PACRG: variants seen among roughly 807,000 people sequenced by gnomAD.
PACRG encodes the protein parkin coregulated gene protein.
A neutral mutation model predicts 29.7 loss-of-function variants in PACRG; 29 were observed. The ratio of observed to expected loss-of-function variants is 0.98; its 90% CI spans 0.73 to 1.33. The LOEUF (loss-of-function observed/expected upper bound fraction) is 1.33. Ranked by LOEUF, PACRG falls within the 40% of genes most tolerant of loss-of-function variation. The pLI is 0.00. For synonymous variants in PACRG, 116 were observed against 118.7 expected, an observed-to-expected ratio of 0.98 and a Z score of 0.15; for missense variants, 279 against 316.2, an observed-to-expected ratio of 0.88 and a Z score of 0.89.
intron 2 of PACRG, among the ~76,000 whole-genome samples, chr6:162,820,837 T>G (rs984229515): frequency 2.6e-5 from 4 of 152,188 alleles, no homozygotes; most frequent in African/African-American, 9.7e-5. Context: ...TAGGACTTAG[T>G]AGAATTTGCA....
At chr6:163,016,329 T>C (rs1476420122) in intron 2 of PACRG, 2 of 152,196 alleles carry the variant, frequency 1.3e-5, no homozygotes, top group Non-Finnish European at 2.9e-5. Flanking sequence ...GGACAAGATA[T>C]AATCTGATGG....
chr6:163,191,973 C>T, intron 4 of PACRG: 1 of 312,514 alleles, frequency 3.2e-6, no homozygotes, highest in South Asian at 2.6e-5. Flanking sequence ...TACGGGGAAG[C>T]ACCGGGGCAG....
intron 4 of PACRG, among the ~76,000 whole-genome samples, chr6:163,223,051 TG>T (rs1781649712): frequency 6.6e-6 from 1 of 152,072 alleles, no homozygotes; most frequent in Admixed American, 6.6e-5. Context: ...TACTGAAAAA[TG>T]TAGTAGGTAT....
At chr6:162,737,572 T>A (rs1353527181) in intron 1 of PACRG, among the ~76,000 whole-genome samples, 1 of 152,210 alleles carries the variant, frequency 6.6e-6, no homozygotes, top group East Asian at 1.9e-4. Context: ...TTGAGAGGAA[T>A]TTTTAACGAA....
chr6:162,773,645 G>A lies in PACRG; in HGVS notation c.157-40502G>A, dbSNP rs375234558. On this transcript the variant is annotated intron_variant, in intron 1 of 4. Coordinates refer to ENST00000366888, the MANE Select transcript of PACRG (RefSeq NM_001080379.2). ...TTCTCCTGCCTCAGCCTCCCGAGTA[G>A]CTGGGACTACAGGCGCCCGCCACCG... Among the ~76,000 whole-genome samples the A allele has an allele frequency of 1.8e-3, 278 of 151,466 alleles. 1 individual carries two copies. The highest frequency in any genetic ancestry group is 6.0e-3 in the African/African-American group (247 of 41,336).
chr6:162,854,644 A>G (rs1219801376), intron 2 of PACRG, among the ~76,000 whole-genome samples: 5 of 152,212 alleles, frequency 3.3e-5, no homozygotes, highest in Admixed American at 2.6e-4. Flanking sequence ...AGATGGTGTA[A>G]CTGACATTCA....
At chr6:162,957,089 A>G (rs1219900739) in intron 2 of PACRG, among the ~76,000 whole-genome samples, 1 of 151,800 alleles carries the variant, frequency 6.6e-6, no homozygotes, top group Non-Finnish European at 1.5e-5. Context: ...AGAGGTAGGC[A>G]GTAGAGTGAG....
chr6:162,790,088 T>C (rs1441549100), intron 1 of PACRG, among the ~76,000 whole-genome samples: 3 of 152,190 alleles, frequency 2.0e-5, no homozygotes, highest in African/African-American at 7.2e-5. Flanking sequence ...TTTCTAAAAG[T>C]AGCAAATTAT....
rs760532192 is a variant in PACRG, at chr6:163,231,560, A to T, written c.614-83267A>T. On this transcript the variant is annotated intron_variant, in intron 4 of 4. Coordinates refer to ENST00000366888, the MANE Select transcript of PACRG (RefSeq NM_001080379.2). ...TGGATCAGCAACTTTGCAGGTCTTC[A>T]CAACTATGAGCCCAGATCCGCTGAG... Among the ~76,000 whole-genome samples the T allele has an allele frequency of 5.3e-5, 8 of 152,280 alleles. No homozygotes were observed. The Middle Eastern group carries it at 0.01, about 194-fold the overall frequency.
chr6:162,874,986 T>A (rs1793176167), intron 2 of PACRG, among the ~76,000 whole-genome samples: 1 of 151,856 alleles, frequency 6.6e-6, no homozygotes, highest in Admixed American at 6.6e-5. Flanking sequence ...CACACATTCA[T>A]ACGCCCACAT....
At chr6:163,031,993 C>T (rs886686923) in intron 2 of PACRG, among the ~76,000 whole-genome samples, 32 of 152,218 alleles carry the variant, frequency 2.1e-4, no homozygotes, top group African/African-American at 7.0e-4. Flanking sequence ...ACCAGTTTCT[C>T]CAATTGTGTC....
intron 4 of PACRG, among the ~76,000 whole-genome samples, chr6:163,163,264 T>TTTGTTG (rs746568590): frequency 6.6e-6 from 1 of 152,114 alleles, no homozygotes; most frequent in African/African-American, 2.4e-5. Context: ...TTTGTTGTTT[T>TTTGTTG]TTGTTGTTGT....
chr6:162,899,062 G>A (rs1315199571), intron 2 of PACRG, among the ~76,000 whole-genome samples: 1 of 152,162 alleles, frequency 6.6e-6, no homozygotes, highest in African/African-American at 2.4e-5. Context: ...TATATCCTAG[G>A]ACAAAGAGCT....
At position 163,265,961 on chromosome 6, in the gene PACRG, T is replaced by G. The variant is rs76554999; in HGVS notation, c.614-48866T>G. ...AAATTTAAATGGATGTTGGTGCATC[T>G]CCAACTATTTAGCATTAAATTCATT... On this transcript the variant is annotated intron_variant, in intron 4 of 4. Coordinates refer to ENST00000366888, the MANE Select transcript of PACRG (RefSeq NM_001080379.2). Among the ~76,000 whole-genome samples, 338 of 152,342 alleles carry G rather than the reference T, an allele frequency of 2.2e-3. 1 individual carries two copies. The highest frequency in any genetic ancestry group is 7.9e-3 in the African/African-American group (328 of 41,590).
chr6:162,778,568 A>G (rs1338612734), intron 1 of PACRG, among the ~76,000 whole-genome samples: 1 of 152,114 alleles, frequency 6.6e-6, no homozygotes, highest in Non-Finnish European at 1.5e-5. Context: ...TTTTACCTTT[A>G]TGTACTCACT....
chr6:163,272,247 C>T (rs1783858852), intron 4 of PACRG, among the ~76,000 whole-genome samples: 1 of 152,160 alleles, frequency 6.6e-6, no homozygotes, highest in African/African-American at 2.4e-5. Flanking sequence ...CCATGTTGGT[C>T]AGGCTGGTCT....
At chr6:163,133,240 C>G (rs1426032732) in intron 4 of PACRG, among the ~76,000 whole-genome samples, 2 of 152,170 alleles carry the variant, frequency 1.3e-5, no homozygotes, top group African/African-American at 4.8e-5. Context: ...ACTTATACTT[C>G]TTCCATTGGC....
At chr6:163,004,581 TACCCCCA>T (rs1480400304) in intron 2 of PACRG, among the ~76,000 whole-genome samples, 1 of 151,694 alleles carries the variant, frequency 6.6e-6, no homozygotes. Flanking sequence ...ATGATTCAGT[TACCCCCA>T]CCTGATCTCT....
intron 4 of PACRG, among the ~76,000 whole-genome samples, chr6:163,244,183 G>A (rs989343963): frequency 6.6e-6 from 1 of 152,194 alleles, no homozygotes; most frequent in African/African-American, 2.4e-5. Flanking sequence ...TGTAGGACAA[G>A]ATAGAGCAGT....
Sources: allele counts gnomAD v4.1 joint callset (sites outside exome capture counted in the v4.1 genomes callset), GRCh38; gene constraint gnomAD v4.1.1; transcripts MANE v1.5; gene names NCBI Gene and HGNC (gene_info 2026-07-23, HGNC 2026-07-21).